Variants in MAP3K3 observed in about 807,000 individuals in gnomAD.
MAP3K3 encodes the protein MAP/ERK kinase kinase 3.
A neutral mutation model predicts 80.9 loss-of-function variants in MAP3K3; 12 were observed. The observed-to-expected ratio is 0.15, with a 90% confidence interval of 0.10 to 0.24. The LOEUF is 0.24. Ranked by LOEUF, MAP3K3 falls within the 10% of genes least tolerant of loss-of-function variation. The pLI is 1.00. For missense variants in MAP3K3, 596 were observed against 834.7 expected, an observed-to-expected ratio of 0.71 and a Z score of 3.52; for synonymous variants, 272 against 307.1, an observed-to-expected ratio of 0.89 and a Z score of 1.19.
chr17:63,662,288 G>A (rs557837788), intron 5 of MAP3K3, among the ~76,000 whole-genome samples: 1 of 151,176 alleles, frequency 6.6e-6, no homozygotes, highest in Admixed American at 6.6e-5. Flanking sequence ...TGTGGTGCGT[G>A]CCTGTGGTCT....
At chr17:63,672,189 A>T (rs1318704185) in intron 6 of MAP3K3, among the ~76,000 whole-genome samples, 1 of 151,150 alleles carries the variant, frequency 6.6e-6, no homozygotes, top group Non-Finnish European at 1.5e-5. Flanking sequence ...AGGCTGAGGC[A>T]GGAGAATTGT....
In MAP3K3 at chr17:63,691,183, C is replaced by T; in HGVS notation, c.1294C>T (p.Arg432Trp). Residue 432 changes from arginine (R) to tryptophan (W), a missense_variant, in exon 13 of 16, where the codon CGG (arginine) becomes TGG (tryptophan). Arg to Trp is a moderately radical substitution (Grantham distance 101). Around this residue, in one of 2 missense-constraint regions of MAP3K3, gnomAD observed 364 missense variants for 588.9 expected, o/e 0.62. Transcript: ENST00000361733. The surrounding 1 kb of genome is among the most constrained non-coding windows in gnomAD (Gnocchi z 4.8). The part of the protein sequence containing the change: ...ERIVQYYGCL[R>W]DRAEKTLTIF... ...CATCGTGCAGTACTATGGCTGTCTG[C>T]GGGACCGCGCTGAGAAGACCCTGAC... 9 of 1,614,170 alleles carry T rather than the reference C, an allele frequency of 5.6e-6. No homozygotes were observed. Among genetic ancestry groups the T allele is most frequent in the South Asian group, 2.2e-5 (2 of 91,090 alleles).
Position 63,692,342 on chromosome 17 carries a change from C to A in MAP3K3, c.1575C>A (p.Arg525=). 6.2e-7 allele frequency: 1 copy of A among 1,613,932 alleles called. No homozygotes were observed. The highest frequency in any genetic ancestry group is 8.5e-7 in the Non-Finnish European group (1 of 1,180,002). ...TCTGTATGTCGGGGACGGGCATGCG[C>A]TCCGTCACTGGCACACCCTACTGGA... ...QTICMSGTGM[R]SVTGTPYWMS... is the part of the protein sequence containing the mutation. The change falls in exon 15 of 16, where the codon CGC becomes CGA. Residue 525 remains arginine (R), a synonymous_variant. Coordinates refer to ENST00000361733, the MANE Select transcript of MAP3K3 (RefSeq NM_002401.5). This position sits in a 1 kb window ranked among gnomAD's most constrained non-coding sequence, Gnocchi z 4.5.
chr17:63,627,033 G>A (rs906189187), intron 1 of MAP3K3, among the ~76,000 whole-genome samples: 2 of 152,190 alleles, frequency 1.3e-5, no homozygotes, highest in Non-Finnish European at 2.9e-5. Context: ...AATGGGAAGT[G>A]CCTTAAGACC....
intron 6 of MAP3K3, among the ~76,000 whole-genome samples, chr17:63,674,752 A>C (rs1020340594): frequency 6.6e-6 from 1 of 152,052 alleles, no homozygotes; most frequent in African/African-American, 2.4e-5. Context: ...ACCATGGGGG[A>C]GCTGACTCCT....
At chr17:63,636,686 C>T (rs1598065573) in intron 2 of MAP3K3, 1 of 262,040 alleles carries the variant, frequency 3.8e-6, no homozygotes, top group Middle Eastern at 5.7e-4. Flanking sequence ...CAAGTGGAGC[C>T]CCCAGCCAAG....
chr17:63,671,261 T>C (rs1481980618), intron 6 of MAP3K3, among the ~76,000 whole-genome samples: 2 of 64,830 alleles, frequency 3.1e-5, no homozygotes, highest in East Asian at 4.5e-4. Context: ...AATTATTTTC[T>C]TTTTTTTTTT....
chr17:63,627,915 T>C (rs1401422182), intron 1 of MAP3K3, among the ~76,000 whole-genome samples: 2 of 151,744 alleles, frequency 1.3e-5, no homozygotes, highest in Non-Finnish European at 2.9e-5. Flanking sequence ...TCCTTTTTTT[T>C]TTTTTCTGAG....
At chr17:63,629,417 G>A (rs985689164) in intron 1 of MAP3K3, among the ~76,000 whole-genome samples, 4 of 152,136 alleles carry the variant, frequency 2.6e-5, no homozygotes, top group African/African-American at 7.2e-5. Context: ...GAGCCTCTGC[G>A]CCCAGCCTGT....
At chr17:63,660,052 G>A (rs2034855596) in intron 5 of MAP3K3, among the ~76,000 whole-genome samples, 1 of 152,142 alleles carries the variant, frequency 6.6e-6, no homozygotes, top group Admixed American at 6.5e-5. Context: ...CACCAGCCCA[G>A]ATATCATACC....
chr17:63,656,538 G>C (rs373701745), intron 4 of MAP3K3, among the ~76,000 whole-genome samples: 28 of 151,946 alleles, frequency 1.8e-4, no homozygotes, highest in African/African-American at 6.8e-4. Context: ...CCAGGAGGTG[G>C]ACATTGCAGC....
At chr17:63,632,599 G>T in intron 1 of MAP3K3, 82 bp from the exon 2 acceptor site, 1 of 1,514,664 alleles carries the variant, frequency 6.6e-7, no homozygotes, top group African/African-American at 1.4e-5. Flanking sequence ...AGAACTCCCT[G>T]AGTATTAGTT....
intron 6 of MAP3K3, 126 bp from the exon 7 acceptor site, chr17:63,681,640 G>A (rs1405168545): frequency 7.3e-6 from 6 of 818,994 alleles, no homozygotes; most frequent in East Asian, 3.0e-5. Context: ...CATGCTGGAC[G>A]TTGGTGCCAT....
intron 5 of MAP3K3, among the ~76,000 whole-genome samples, chr17:63,662,802 C>T (rs1043590535): frequency 5.3e-5 from 8 of 151,902 alleles, no homozygotes; most frequent in East Asian, 2.0e-4. Flanking sequence ...GGATTACAGG[C>T]GTGCGCCACT....
At chr17:63,677,925 C>T (rs1457591475) in intron 6 of MAP3K3, among the ~76,000 whole-genome samples, 1 of 152,230 alleles carries the variant, frequency 6.6e-6, no homozygotes, top group African/African-American at 2.4e-5. Context: ...GGCAGGCTGT[C>T]ATATTTCCTT....
chr17:63,643,443 C>T (rs914375286), intron 2 of MAP3K3, among the ~76,000 whole-genome samples: 2 of 151,902 alleles, frequency 1.3e-5, no homozygotes, highest in Non-Finnish European at 2.9e-5. Flanking sequence ...CCCGGGAAGT[C>T]AAGGCTGCAG....
chr17:63,642,818 G>A (rs555588888), intron 2 of MAP3K3, among the ~76,000 whole-genome samples: 8 of 152,072 alleles, frequency 5.3e-5, no homozygotes, highest in Non-Finnish European at 7.4e-5. Flanking sequence ...GTCCAGTGGC[G>A]TGATCATGGC....
chr17:63,635,245 G>A (rs1052829565), intron 2 of MAP3K3, among the ~76,000 whole-genome samples: 1 of 152,184 alleles, frequency 6.6e-6, no homozygotes, highest in Non-Finnish European at 1.5e-5. Flanking sequence ...TTGGAGATGT[G>A]TAGATATTCA....
At chr17:63,677,086 G>T (rs777487547) in intron 6 of MAP3K3, among the ~76,000 whole-genome samples, 5 of 152,194 alleles carry the variant, frequency 3.3e-5, no homozygotes, top group Admixed American at 1.3e-4. Context: ...GTGAGATGGG[G>T]TTATGCGGAT....
Sources: allele counts gnomAD v4.1 joint callset (sites outside exome capture counted in the v4.1 genomes callset), GRCh38; gene constraint gnomAD v4.1.1; regional missense constraint gnomAD v4.1.1; non-coding constraint Gnocchi (gnomAD v3.1); transcripts MANE v1.5; gene names NCBI Gene and HGNC (gene_info 2026-07-23, HGNC 2026-07-21).